HIBCH: variants seen among roughly 807,000 people sequenced by gnomAD.
HIBCH encodes the protein 3-hydroxyisobutyryl-CoA hydrolase.
Under a neutral mutation model 58.2 loss-of-function variants are expected in HIBCH, and 50 were observed. That is an observed-to-expected ratio of 0.86 (90% CI 0.68 to 1.09). The LOEUF is 1.09. HIBCH is among the 50% of genes least tolerant of loss of function. The pLI is 0.00. For synonymous variants in HIBCH, 151 were observed against 146.9 expected, an observed-to-expected ratio of 1.03 and a Z score of -0.20; for missense variants, 450 against 449.7, an observed-to-expected ratio of 1.00 and a Z score of -0.01.
At chr2:190,194,543 C>T (rs1157663763) in intron 1 of HIBCH, among the ~76,000 whole-genome samples, 2 of 151,512 alleles carry the variant, frequency 1.3e-5, no homozygotes, top group African/African-American at 4.9e-5. Flanking sequence ...CTAGACACAT[C>T]GCAATCACCT....
chr2:190,239,902 G>C (rs760303656), intron 11 of HIBCH, among the ~76,000 whole-genome samples: 2 of 152,072 alleles, frequency 1.3e-5, no homozygotes, highest in Non-Finnish European at 2.9e-5. Flanking sequence ...TGCCCGCTTC[G>C]GCCTCCCAAA....
chr2:190,304,650 G>A lies in HIBCH; in HGVS notation c.78+6104C>T, dbSNP rs1688357394. On this transcript the variant is annotated intron_variant, in intron 2 of 13. Coordinates refer to ENST00000359678, the MANE Select transcript of HIBCH (RefSeq NM_014362.4). This position sits in a 1 kb window ranked among gnomAD's most constrained non-coding sequence, Gnocchi z 4.1. ...AGTTTTGATAAGTGTACCATAGTAA[G>A]AATAGTAGGCAGTTTGCTAGGGCTG... 6.6e-6 allele frequency among the ~76,000 whole-genome samples: 1 copy of A among 152,182 alleles called. No homozygotes were observed. Among genetic ancestry groups the A allele is most frequent in the Non-Finnish European group, 1.5e-5 (1 of 68,024 alleles).
At chr2:190,238,888 G>A (rs1686366316) in intron 11 of HIBCH, among the ~76,000 whole-genome samples, 1 of 152,190 alleles carries the variant, frequency 6.6e-6, no homozygotes, top group Non-Finnish European at 1.5e-5. Context: ...TGGATAGGTT[G>A]CAAAATTTTT....
chr2:190,307,231 A>C (rs1159678558), intron 2 of HIBCH, among the ~76,000 whole-genome samples: 1 of 152,236 alleles, frequency 6.6e-6, no homozygotes, highest in Non-Finnish European at 1.5e-5. Context: ...TGATATACAC[A>C]GTATCATTTC....
intron 2 of HIBCH, 82 bp downstream of exon 2, chr2:190,310,672 C>A (rs1264670021): frequency 1.8e-6 from 2 of 1,114,664 alleles, no homozygotes; most frequent in African/African-American, 1.5e-5. Flanking sequence ...ATCTGCCATA[C>A]CAGTATTTCT....
rs565126124 is a variant in HIBCH at position 190,236,712 on chromosome 2, A to G, written c.891+8175T>C. Among the ~76,000 whole-genome samples, 5 of 152,356 alleles carry G rather than the reference A, an allele frequency of 3.3e-5. No homozygotes were observed. Among genetic ancestry groups the G allele is most frequent in the Non-Finnish European group, 7.4e-5 (5 of 68,020 alleles). ...TATCTACAATAAAAGGCTTAGAGCC[A>G]GTGCAAGAAGGCTGCCTTTTGCAAC... On this transcript the variant is annotated intron_variant, in intron 11 of 13. Transcript: ENST00000359678. The surrounding 1 kb of genome is among the most constrained non-coding windows in gnomAD (Gnocchi z 4.1).
intron 6 of HIBCH, among the ~76,000 whole-genome samples, chr2:190,263,955 G>A (rs766447974): frequency 4.0e-5 from 6 of 151,718 alleles, no homozygotes; most frequent in Non-Finnish European, 7.4e-5. Flanking sequence ...ATCCCGGACT[G>A]GGCCACTTTT....
chr2:190,200,679 T>G (rs1575686461), downstream of HIBCH: 1 of 169,934 alleles, frequency 5.9e-6, no homozygotes, highest in Non-Finnish European at 1.4e-5. Flanking sequence ...AGATAAGATA[T>G]TTATTTTTGT....
chr2:190,234,426 T>A (rs1273733807), intron 11 of HIBCH, among the ~76,000 whole-genome samples: 1 of 152,078 alleles, frequency 6.6e-6, no homozygotes, highest in Non-Finnish European at 1.5e-5. Context: ...ACAGTAGAAA[T>A]GAATAAGTGA....
At chr2:190,319,556 G>C (rs1248389491) in intron 1 of HIBCH, among the ~76,000 whole-genome samples, 160 bp downstream of exon 1, 1 of 152,188 alleles carries the variant, frequency 6.6e-6, no homozygotes, top group East Asian at 1.9e-4. Context: ...AGACAGGGAC[G>C]GGGGCTGGGG....
downstream of HIBCH, chr2:190,201,066 T>C (rs1453064139): frequency 6.0e-6 from 1 of 166,552 alleles, no homozygotes; most frequent in East Asian, 1.9e-4. Flanking sequence ...AGATAATGCA[T>C]GAAGATTTAC....
intron 11 of HIBCH, among the ~76,000 whole-genome samples, chr2:190,229,629 ATTTGT>A (rs1686029760): frequency 6.6e-6 from 1 of 152,238 alleles, no homozygotes; most frequent in African/African-American, 2.4e-5. Context: ...AGGATAAAGC[ATTTGT>A]TCATATTATA....
Position 190,228,656 on chromosome 2 carries a change from C to T in HIBCH, c.892-15581G>A, listed in dbSNP as rs115659470. Among the ~76,000 whole-genome samples, 278 of 152,132 alleles carry T rather than the reference C, an allele frequency of 1.8e-3. 1 individual carries two copies. The highest frequency in any genetic ancestry group is 6.0e-3 in the African/African-American group (248 of 41,490). ...AAATGTGTATTGATATAATTTTGTA[C>T]CCATACAACCTAGTGAACACATTTC... On this transcript the variant is annotated intron_variant, in intron 11 of 13. Coordinates refer to ENST00000359678, the MANE Select transcript of HIBCH (RefSeq NM_014362.4).
chr2:190,256,970 T>C (rs77584376), intron 7 of HIBCH, among the ~76,000 whole-genome samples: 1,928 of 152,228 alleles, frequency 0.013, 25 homozygotes, highest in Non-Finnish European at 0.019. Flanking sequence ...GAAGCATAAG[T>C]GAGCCTTATA....
chr2:190,319,763 C>T lies in HIBCH; in HGVS notation c.-13G>A, dbSNP rs768615615. The T allele has an allele frequency of 1.2e-6, 2 of 1,610,784 alleles. No homozygotes were observed. Among genetic ancestry groups the T allele is most frequent in the East Asian group, 2.2e-5 (1 of 44,844 alleles). ...CGCGCTGCCCCATCGCCAAACACTCCGAAGCTAAAGCAGCAGAGCGAGAAT... is the reference window on the plus strand; with the variant it reads ...CGCGCTGCCCCATCGCCAAACACTCTGAAGCTAAAGCAGCAGAGCGAGAAT... On this transcript the variant is annotated 5_prime_UTR_variant, in exon 1 of 14. Transcript: ENST00000359678.
At position 190,216,670 on chromosome 2, in the gene HIBCH, T is replaced by C. The variant is rs774375767; in HGVS notation, c.892-3595A>G. 2.6e-5 allele frequency among the ~76,000 whole-genome samples: 4 copies of C among 152,240 alleles called. No homozygotes were observed. Among genetic ancestry groups the C allele is most frequent in the Non-Finnish European group, 5.9e-5 (4 of 68,050 alleles). On this transcript the variant is annotated intron_variant, in intron 11 of 13. Transcript: ENST00000359678. The surrounding 1 kb of genome is among the most constrained non-coding windows in gnomAD (Gnocchi z 4.2). ...TATCTAAAATGGGATTTTTAAATGC[T>C]GGTTATCAGTTCAAAAAACTTAAAA...
chr2:190,299,097 A>G (rs2664261), intron 2 of HIBCH, among the ~76,000 whole-genome samples: 110,026 of 152,020 alleles, frequency 0.72, 40,308 homozygotes, highest in Non-Finnish European at 0.75. Context: ...TTAAAACCTC[A>G]CATGGGAAAA....
chr2:190,311,719 G>C (rs1279274622), intron 1 of HIBCH, among the ~76,000 whole-genome samples: 1 of 152,182 alleles, frequency 6.6e-6, no homozygotes, highest in African/African-American at 2.4e-5. Context: ...TCTAAGAGTA[G>C]AGCATTATTT....
intron 1 of HIBCH, among the ~76,000 whole-genome samples, chr2:190,316,241 G>A (rs1688707661): frequency 6.6e-6 from 1 of 152,020 alleles, no homozygotes. Context: ...TCAATCTCCT[G>A]GACTCAAGCC....
Sources: allele counts gnomAD v4.1 joint callset (sites outside exome capture counted in the v4.1 genomes callset), GRCh38; gene constraint gnomAD v4.1.1; non-coding constraint Gnocchi (gnomAD v3.1); transcripts MANE v1.5; gene names NCBI Gene and HGNC (gene_info 2026-07-23, HGNC 2026-07-21).